Variants in PLA2G6 observed in about 807,000 individuals in gnomAD.
The protein encoded by PLA2G6 is 85/88 kDa calcium-independent phospholipase A2.
In PLA2G6, 62 loss-of-function variants were observed where a neutral mutation model predicts 83.8. The observed-to-expected ratio is 0.74, with a 90% confidence interval of 0.60 to 0.91. The LOEUF (loss-of-function observed/expected upper bound fraction) is 0.91. Ranked by LOEUF, PLA2G6 falls within the 40% of genes least tolerant of loss-of-function variation. The pLI is 0.00. For synonymous variants in PLA2G6, 417 were observed against 449.8 expected, an observed-to-expected ratio of 0.93 and a Z score of 0.92; for missense variants, 944 against 1,102.0, an observed-to-expected ratio of 0.86 and a Z score of 2.03.
At chr22:38,181,307 G>A (rs2090837843) in intron 1 of PLA2G6, among the ~76,000 whole-genome samples, 1 of 152,156 alleles carries the variant, frequency 6.6e-6, no homozygotes, top group Non-Finnish European at 1.5e-5. Flanking sequence ...AGCAGGGAGT[G>A]AGAAATGAGT....
Position 38,128,149 on chromosome 22 carries a change from T to A in PLA2G6, c.1348+120A>T. On this transcript the variant is annotated intron_variant, in intron 9 of 16. Coordinates refer to ENST00000332509, the MANE Select transcript of PLA2G6 (RefSeq NM_003560.4). The surrounding 1 kb of genome is among the most constrained non-coding windows in gnomAD (Gnocchi z 4.4). Reference sequence around the variant, plus strand: ...CTAGAGGCTGACAACTCCGGCCCCATCCTCCCCGGCTTCCTTTAGTGACTT... The same window carrying A: ...CTAGAGGCTGACAACTCCGGCCCCAACCTCCCCGGCTTCCTTTAGTGACTT... 9.1e-7 allele frequency: 1 copy of A among 1,102,400 alleles called. No individual in the cohort carries two copies. Among genetic ancestry groups the A allele is most frequent in the Non-Finnish European group, 1.4e-6 (1 of 734,160 alleles). 68.3% of individuals were successfully genotyped at this position (1,102,400 alleles called of 1,614,324 possible).
chr22:38,131,828 C>T (rs2088229390), intron 7 of PLA2G6: 1 of 292,380 alleles, frequency 3.4e-6, no homozygotes, highest in Non-Finnish European at 6.7e-6. Flanking sequence ...GTGGCTCACG[C>T]CTGTAATCCC....
intron 16 of PLA2G6, 28 bp from the exon 17 acceptor site, chr22:38,112,333 C>A: frequency 1.2e-6 from 2 of 1,610,704 alleles, no homozygotes; most frequent in Non-Finnish European, 1.7e-6. Context: ...GAGGGGGTCA[C>A]CCTAGGATGC....
chr22:38,126,547 C>G (rs142081708), intron 9 of PLA2G6, 98 bp from the exon 10 acceptor site: 1 of 828,472 alleles, frequency 1.2e-6, no homozygotes, highest in African/African-American at 1.7e-5. Flanking sequence ...GCCTCGCCCA[C>G]GGCCACGCCC....
At chr22:38,164,350 C>T (rs954649652) in intron 2 of PLA2G6, among the ~76,000 whole-genome samples, 4 of 152,176 alleles carry the variant, frequency 2.6e-5, no homozygotes, top group Non-Finnish European at 4.4e-5. Flanking sequence ...ATAATCGCTA[C>T]GCTGACCAGC....
chr22:38,164,113 G>A (rs545304445), intron 2 of PLA2G6, among the ~76,000 whole-genome samples: 110 of 152,258 alleles, frequency 7.2e-4, no homozygotes, highest in Admixed American at 2.6e-3. Flanking sequence ...TGATTAATCT[G>A]TACCAGGAAC....
Position 38,123,370 on chromosome 22 carries a change from A to AAGTT in PLA2G6, c.1428-113_1428-112insAACT. On this transcript the variant is annotated intron_variant, in intron 10 of 16. Coordinates refer to ENST00000332509, the MANE Select transcript of PLA2G6 (RefSeq NM_003560.4). The surrounding 1 kb of genome is among the most constrained non-coding windows in gnomAD (Gnocchi z 4.1). ...GCTGTGTCCTGGCAGACAGACCCAG[A>AAGTT]CGGACCCGAGGAACTTCTGTCCTAT... is the stretch of plus-strand genomic sequence containing the variant. The AAGTT allele has an allele frequency of 8.6e-7, 1 of 1,161,760 alleles. No individual in the cohort carries two copies. The highest frequency in any genetic ancestry group is 1.2e-6 in the Non-Finnish European group (1 of 801,916). 72.0% of individuals were successfully genotyped at this position (1,161,760 alleles called of 1,614,324 possible).
chr22:38,117,810 G>A (rs1480251538), intron 12 of PLA2G6, among the ~76,000 whole-genome samples: 1 of 152,020 alleles, frequency 6.6e-6, no homozygotes, highest in African/African-American at 2.4e-5. Flanking sequence ...GGCCGAGGTG[G>A]GTGGATCACG....
At chr22:38,119,496 C>G (rs754627930) in intron 12 of PLA2G6, among the ~76,000 whole-genome samples, 1 of 152,122 alleles carries the variant, frequency 6.6e-6, no homozygotes, top group Non-Finnish European at 1.5e-5. Context: ...ACAGGAGAAT[C>G]GTGTGCTGCT....
At chr22:38,153,546 G>T (rs1405710621) in intron 2 of PLA2G6, among the ~76,000 whole-genome samples, 1 of 151,304 alleles carries the variant, frequency 6.6e-6, no homozygotes, top group Non-Finnish European at 1.5e-5. Context: ...TGAGGCTGGA[G>T]AATCGCTTGA....
Position 38,133,161 on chromosome 22 carries a change from C to G in PLA2G6, c.895-148G>C. 3.9e-6 allele frequency: 3 copies of G among 770,012 alleles called. No individual in the cohort carries two copies. In the South Asian group the frequency reaches 4.9e-5, roughly 13 times the overall value. The allele number at this position is 770,012 out of a possible 1,614,324, so 47.7% of individuals were successfully genotyped here. On this transcript the variant is annotated intron_variant, in intron 6 of 16. Transcript: ENST00000332509. ...AGCAAGAGGATTCCAGGGGCAGGCC[C>G]CAGTTCTAGGGGGGCCTAGACTGCC...
chr22:38,140,181 G>C lies in PLA2G6; in HGVS notation c.610-12C>G, dbSNP rs750022023. Reference sequence around the variant, plus strand: ...TTCCTTCCAAGGAGCTGATGAAAGAGGAAGGGAAGTTTGACTCCATAGGAT... The same window carrying C: ...TTCCTTCCAAGGAGCTGATGAAAGACGAAGGGAAGTTTGACTCCATAGGAT... On this transcript the variant is annotated splice_polypyrimidine_tract_variant and intron_variant, in intron 4 of 16. Coordinates refer to ENST00000332509, the MANE Select transcript of PLA2G6 (RefSeq NM_003560.4). 6.2e-7 allele frequency: 1 copy of C among 1,613,500 alleles called. No homozygotes were observed. The highest frequency in any genetic ancestry group is 8.5e-7 in the Non-Finnish European group (1 of 1,179,688).
At position 38,135,082 on chromosome 22, in the gene PLA2G6, C is replaced by T; in HGVS notation, c.800G>A (p.Cys267Tyr). ...HSAMKFSQKG[C>Y]AEMIISMDSS... ...GTCCATGCTGATGATCATCTCCGCA[C>T]ACCTGGTGAGAGAGGGGCCCCGGTT... The change falls in exon 6 of 17, where the codon TGT becomes TAT. Residue 267 changes from cysteine (C) to tyrosine (Y), a missense_variant and splice_region_variant. Cys to Tyr is a radical substitution (Grantham distance 194). Transcript: ENST00000332509. 1 of 1,612,624 alleles carries T rather than the reference C, an allele frequency of 6.2e-7. No homozygotes were observed.
In PLA2G6 at chr22:38,112,320, G is replaced by A. The variant is rs1030901001; in HGVS notation, c.2277-15C>T. The A allele has an allele frequency of 1.1e-5, 17 of 1,612,564 alleles. No individual in the cohort carries two copies. ...GGGGGTTCAATCTGTTCGGGCCAGG[G>A]AGGAGGGGGTCACCCTAGGATGCTC... On this transcript the variant is annotated splice_polypyrimidine_tract_variant and intron_variant, in intron 16 of 16. Transcript: ENST00000332509.
intron 14 of PLA2G6, among the ~76,000 whole-genome samples, chr22:38,114,387 G>A (rs112882753): frequency 2.0e-4 from 31 of 152,262 alleles, no homozygotes; most frequent in African/African-American, 6.3e-4. Flanking sequence ...GGGTTTCACC[G>A]TGTTAGCCAG....
At chr22:38,175,296 G>A (rs1330808096) in intron 1 of PLA2G6, among the ~76,000 whole-genome samples, 4 of 152,076 alleles carry the variant, frequency 2.6e-5, no homozygotes, top group South Asian at 4.1e-4. Context: ...CAGCCTGCAC[G>A]GTTCCCAACC....
intron 2 of PLA2G6, chr22:38,149,330 G>T (rs2089443171): frequency 6.6e-6 from 1 of 152,158 alleles, no homozygotes; most frequent in Non-Finnish European, 1.5e-5. Context: ...ATCCAAAATA[G>T]ACTTTAAAGT....
At chr22:38,112,646 C>T in intron 15 of PLA2G6, 69 bp from the exon 16 acceptor site, 2 of 1,336,356 alleles carry the variant, frequency 1.5e-6, no homozygotes, top group Non-Finnish European at 2.1e-6. Flanking sequence ...CCCGGCCCTG[C>T]CCTGCACTCT....
In PLA2G6 at chr22:38,168,335, G is replaced by A. The variant is rs369816274; in HGVS notation, c.209+883C>T. ...TCTGTCTGAGCCCAACTAGATGCCA[G>A]TCTGCCAAGCACTGCTGGGGCCTGC... On this transcript the variant is annotated intron_variant, in intron 2 of 16. Coordinates refer to ENST00000332509, the MANE Select transcript of PLA2G6 (RefSeq NM_003560.4). 1.9e-3 allele frequency among the ~76,000 whole-genome samples: 295 copies of A among 152,358 alleles called. 1 individual carries two copies. The highest frequency in any genetic ancestry group is 7.0e-3 in the African/African-American group (289 of 41,582).
Sources: allele counts gnomAD v4.1 joint callset (sites outside exome capture counted in the v4.1 genomes callset), GRCh38; gene constraint gnomAD v4.1.1; non-coding constraint Gnocchi (gnomAD v3.1); transcripts MANE v1.5; gene names NCBI Gene and HGNC (gene_info 2026-07-23, HGNC 2026-07-21).